RGS7: variants seen among roughly 807,000 people sequenced by gnomAD.
The protein encoded by RGS7 is regulator of G-protein signaling 7.
RGS7 carries 27 observed loss-of-function variants against 81.1 expected under a neutral mutation model. The observed-to-expected ratio is 0.33, with a 90% CI of 0.25 to 0.46. The LOEUF is 0.46. RGS7 is among the 20% of genes least tolerant of loss of function. RGS7 has a pLI of 1.00. For synonymous variants in RGS7, 208 were observed against 207.7 expected, an observed-to-expected ratio of 1.00 and a Z score of -0.01; for missense variants, 396 against 607.4, an observed-to-expected ratio of 0.65 and a Z score of 3.66.
intron 4 of RGS7, among the ~76,000 whole-genome samples, chr1:240,939,899 G>A (rs1254967539): frequency 2.0e-5 from 3 of 151,838 alleles, no homozygotes; most frequent in Non-Finnish European, 4.4e-5. Flanking sequence ...GGTGAACCCC[G>A]TCTCTACTAA....
chr1:241,147,780 T>TTTTTTATATATATATATATATATA (rs1428939736), intron 2 of RGS7, among the ~76,000 whole-genome samples: 1 of 44,604 alleles, frequency 2.2e-5, no homozygotes, highest in Non-Finnish European at 4.5e-5. Context: ...AGATTAAGTT[T>TTTTTTATATATATATATATATATA]TATATATATA....
intron 10 of RGS7, among the ~76,000 whole-genome samples, chr1:240,821,758 A>C (rs1691850270): frequency 6.6e-6 from 1 of 152,212 alleles, no homozygotes; most frequent in Admixed American, 6.5e-5. Context: ...GATGCTGTTA[A>C]CTGTAATATT....
intron 2 of RGS7, among the ~76,000 whole-genome samples, chr1:241,269,490 T>C (rs2077760077): frequency 6.6e-6 from 1 of 152,238 alleles, no homozygotes; most frequent in Non-Finnish European, 1.5e-5. Context: ...AGAGCAGTAA[T>C]ACAATCATCA....
intron 9 of RGS7, among the ~76,000 whole-genome samples, chr1:240,838,280 G>A (rs1004371777): frequency 6.6e-6 from 1 of 152,058 alleles, no homozygotes; most frequent in African/African-American, 2.4e-5. Flanking sequence ...CTTCTGTAAG[G>A]GCACTAATCC....
At chr1:241,281,874 C>G (rs1005651326) in intron 2 of RGS7, among the ~76,000 whole-genome samples, 1 of 152,202 alleles carries the variant, frequency 6.6e-6, no homozygotes, top group Non-Finnish European at 1.5e-5. Context: ...TGTTCTCAAC[C>G]AATCCACGAA....
At position 240,816,409 on chromosome 1, in the gene RGS7, A is replaced by G. The variant is rs1690805222; in HGVS notation, c.691T>C (p.Tyr231His). ...CTTCTAATATCATTTTGTAAACCAT[A>G]GACAGACTATATTAAAATAAAAAAT... is the stretch of plus-strand genomic sequence containing the variant. ...RNPHKTRKSVYGLQNDIRSHS... is the reference protein window; with the variant it reads ...RNPHKTRKSVHGLQNDIRSHS... The change falls in exon 11 of 19, where the codon TAT becomes CAT. Residue 231 changes from tyrosine (Y) to histidine (H), a missense_variant. Transcript: ENST00000440928. 6.3e-7 allele frequency: 1 copy of G among 1,581,240 alleles called. No individual in the cohort carries two copies. The highest frequency in any genetic ancestry group is 8.7e-7 in the Non-Finnish European group (1 of 1,150,174).
rs1046007710 is a variant in RGS7 at position 240,948,285 on chromosome 1, C to G, written c.227-11579G>C. 3.3e-5 allele frequency among the ~76,000 whole-genome samples: 5 copies of G among 152,156 alleles called. 1 individual carries two copies. The highest frequency in any genetic ancestry group is 3.4e-3 in the Middle Eastern group (1 of 294). On this transcript the variant is annotated intron_variant, in intron 4 of 18. Transcript: ENST00000440928. ...GGTTTTAGTGGTTTGTTTGCTTGAT[C>G]TACTCTCTGACAGTGACTTAATTTC...
chr1:241,230,520 C>T (rs1055029185), intron 2 of RGS7, among the ~76,000 whole-genome samples: 20 of 152,188 alleles, frequency 1.3e-4, no homozygotes, highest in Non-Finnish European at 2.6e-4. Flanking sequence ...GGCCAGGGCA[C>T]AAAAACTAAT....
At chr1:241,340,215 G>C (rs1000176171) in intron 2 of RGS7, among the ~76,000 whole-genome samples, 5 of 152,146 alleles carry the variant, frequency 3.3e-5, no homozygotes, top group Non-Finnish European at 5.9e-5. Context: ...ATAATTGCCT[G>C]AGACTAAGAT....
chr1:241,316,513 G>A (rs1461868591), intron 2 of RGS7, among the ~76,000 whole-genome samples: 3 of 152,172 alleles, frequency 2.0e-5, no homozygotes, highest in African/African-American at 7.2e-5. Context: ...TCCCGGATTT[G>A]AGGAGCTGTA....
chr1:240,956,544 C>T (rs1267482953), intron 4 of RGS7, among the ~76,000 whole-genome samples: 1 of 152,078 alleles, frequency 6.6e-6, no homozygotes, highest in African/African-American at 2.4e-5. Context: ...GTGGGGGCCA[C>T]ATTTAGTACA....
chr1:240,813,727 G>C lies in RGS7; in HGVS notation c.847C>G (p.Leu283Val). 1 of 1,592,514 alleles carries C rather than the reference G, an allele frequency of 6.3e-7. No homozygotes were observed. ...AAATACTGTTCCGTGTAACTTAGTAGACTAAGGAGAAAAAACATTTCCAGT... is the reference window on the plus strand; with the variant it reads ...AAATACTGTTCCGTGTAACTTAGTACACTAAGGAGAAAAAACATTTCCAGT... ...RLKMSKVADS[L>V]LSYTEQYLEY... Residue 283 changes from leucine to valine, a missense_variant and splice_region_variant, in exon 13 of 19, where the codon CTA becomes GTA. By Grantham distance (32) the Leu-to-Val change is conservative. Coordinates refer to ENST00000440928, the MANE Select transcript of RGS7 (RefSeq NM_001364886.1).
intron 18 of RGS7, among the ~76,000 whole-genome samples, chr1:240,779,314 G>A (rs530473036): frequency 6.5e-4 from 99 of 152,106 alleles, no homozygotes; most frequent in South Asian, 5.0e-3. Context: ...GCACCACCAC[G>A]CCCGGCTAAT....
At chr1:241,309,179 G>A (rs930966594) in intron 2 of RGS7, among the ~76,000 whole-genome samples, 1 of 151,996 alleles carries the variant, frequency 6.6e-6, no homozygotes, top group Admixed American at 6.6e-5. Flanking sequence ...CTGAGGTCAG[G>A]AGTTCGAGAC....
rs5782170 is a variant in RGS7 at position 240,960,546 on chromosome 1, CTT to C, written c.226+22531_226+22532del. On this transcript the variant is annotated intron_variant, in intron 4 of 18. Coordinates refer to ENST00000440928, the MANE Select transcript of RGS7 (RefSeq NM_001364886.1). ...CGTGAGCCACTGTGCCTGGGCTGTT[CTT>C]TTTTTTTTTTTTTTTTTTTCCCAGA... 1.8e-3 allele frequency among the ~76,000 whole-genome samples: 210 copies of C among 113,668 alleles called. 3 individuals are homozygous for C. Among genetic ancestry groups the C allele is most frequent in the Middle Eastern group, 9.3e-3 (2 of 214 alleles). 74.6% of individuals were successfully genotyped at this position (113,668 alleles called of 152,430 possible).
intron 2 of RGS7, among the ~76,000 whole-genome samples, chr1:241,198,931 A>T (rs1475759611): frequency 6.6e-6 from 1 of 152,214 alleles, no homozygotes; most frequent in African/African-American, 2.4e-5. Context: ...AAAATATTAC[A>T]AATTTGTGCT....
At chr1:241,155,577 GAAA>G (rs58091813) in intron 2 of RGS7, among the ~76,000 whole-genome samples, 9 of 116,564 alleles carry the variant, frequency 7.7e-5, no homozygotes, top group Non-Finnish European at 1.3e-4. Context: ...TTGAAAAAAA[GAAA>G]AAAAAAAAAA....
intron 6 of RGS7, among the ~76,000 whole-genome samples, chr1:240,892,294 T>C (rs1668404593): frequency 6.6e-6 from 1 of 152,188 alleles, no homozygotes; most frequent in Non-Finnish European, 1.5e-5. Flanking sequence ...ATCTGGAAAT[T>C]TTGATGTATT....
chr1:240,985,285 T>C (rs544399508), intron 3 of RGS7, among the ~76,000 whole-genome samples: 11 of 152,372 alleles, frequency 7.2e-5, no homozygotes, highest in African/African-American at 1.2e-4. Context: ...GTGGAACATA[T>C]GTGAGCAGCC....
Sources: gnomAD v4.1 joint callset for allele counts (sites outside exome capture counted in the v4.1 genomes callset) on GRCh38, gnomAD v4.1.1 for gene constraint, MANE v1.5 for transcripts, NCBI Gene and HGNC (gene_info 2026-07-23, HGNC 2026-07-21) for gene names.